CIROZ: variants seen among roughly 807,000 people sequenced by gnomAD.
CIROZ encodes the protein ciliated left-right organizer ZP-N domains-containing protein.
the CIROZ span, among the ~76,000 whole-genome samples, chr1:10,966,808 G>A: frequency 6.6e-6 from 1 of 152,018 alleles, no homozygotes; most frequent in Non-Finnish European, 1.5e-5. Flanking sequence ...CAGCCCGCAG[G>A]ATCCTGTTCA....
At chr1:10,957,643 C>A in the CIROZ span, 1 of 1,614,026 alleles carries the variant, frequency 6.2e-7, no homozygotes, top group Non-Finnish European at 8.5e-7. Flanking sequence ...GGCCTTGTCT[C>A]GGGCTTTGGA....
the CIROZ span, among the ~76,000 whole-genome samples, chr1:10,951,821 G>C: frequency 6.8e-6 from 1 of 147,824 alleles, no homozygotes; most frequent in East Asian, 2.0e-4. Flanking sequence ...CCATCTCTTA[G>C]ATTTCTGCAG....
chr1:10,966,578 C>T, the CIROZ span: 27 of 1,307,480 alleles, frequency 2.1e-5, no homozygotes, highest in Middle Eastern at 2.6e-4. Flanking sequence ...GAAACTGCTC[C>T]GCCTGGAAGC....
chr1:10,969,658 A>T, the CIROZ span, among the ~76,000 whole-genome samples: 1 of 152,230 alleles, frequency 6.6e-6, no homozygotes, highest in Admixed American at 6.5e-5. Flanking sequence ...CTGAAGATGC[A>T]GCTGTAAACA....
At chr1:10,976,700 GAAA>G in the CIROZ span, among the ~76,000 whole-genome samples, 885 of 102,910 alleles carry the variant, frequency 8.6e-3, 12 homozygotes, top group African/African-American at 0.025. Flanking sequence ...GCCAAGAGAC[GAAA>G]AAAAAAAAAA....
the CIROZ span, chr1:10,946,837 CATGGCA>C: frequency 6.6e-6 from 1 of 152,268 alleles, no homozygotes; most frequent in African/African-American, 2.4e-5. Context: ...GACCTGAGGT[CATGGCA>C]CCCCAAGGCC....
At chr1:10,980,063 AG>A in the CIROZ span, among the ~76,000 whole-genome samples, 6 of 152,344 alleles carry the variant, frequency 3.9e-5, no homozygotes, top group East Asian at 9.6e-4. Context: ...AAAGAAAGAA[AG>A]AAAGTTAACA....
the CIROZ span, chr1:10,953,929 A>G: frequency 2.4e-5 from 36 of 1,480,104 alleles, no homozygotes; most frequent in Non-Finnish European, 3.1e-5. Flanking sequence ...AAACATTGTC[A>G]CAGAAGAAAG....
At chr1:10,957,514 T>C in the CIROZ span, 3 of 1,510,858 alleles carry the variant, frequency 2.0e-6, no homozygotes, top group Non-Finnish European at 2.7e-6. Context: ...GTCTCGCAGG[T>C]GGACATTTGA....
the CIROZ span, among the ~76,000 whole-genome samples, chr1:10,958,365 A>C: frequency 6.6e-6 from 1 of 152,244 alleles, no homozygotes. Context: ...CCTGTGCAAC[A>C]TGGAACAAGC....
the CIROZ span, chr1:10,947,853 A>C: frequency 6.2e-7 from 1 of 1,606,298 alleles, no homozygotes; most frequent in Non-Finnish European, 8.5e-7. Context: ...CCACAGGCTC[A>C]GGGTTTGCGT....
chr1:10,955,269 A>T, the CIROZ span: 1 of 1,329,042 alleles, frequency 7.5e-7, no homozygotes, highest in Non-Finnish European at 1.0e-6. Context: ...GGCCTTTGCC[A>T]GGGGCCACAC....
the CIROZ span, among the ~76,000 whole-genome samples, chr1:10,973,878 G>A: frequency 5.3e-5 from 8 of 152,126 alleles, no homozygotes; most frequent in South Asian, 2.1e-4. Flanking sequence ...CTGCCTTCCC[G>A]GGTGCAGCGG....
the CIROZ span, among the ~76,000 whole-genome samples, chr1:10,962,650 A>G: frequency 6.6e-6 from 1 of 152,138 alleles, no homozygotes. Context: ...GTCTGGCTCA[A>G]AGCCCAGCTC....
the CIROZ span, among the ~76,000 whole-genome samples, chr1:10,973,288 G>A: frequency 5.9e-5 from 9 of 152,180 alleles, no homozygotes; most frequent in Non-Finnish European, 1.3e-4. Flanking sequence ...CAGGAGCATC[G>A]CTTGAACCTG....
chr1:10,952,336 C>T, the CIROZ span, among the ~76,000 whole-genome samples: 1 of 152,058 alleles, frequency 6.6e-6, no homozygotes, highest in Non-Finnish European at 1.5e-5. Flanking sequence ...TAAATCTTTC[C>T]AGAGAGGCCA....
the CIROZ span, among the ~76,000 whole-genome samples, chr1:10,980,392 G>C: frequency 3.3e-5 from 5 of 152,352 alleles, no homozygotes; most frequent in East Asian, 9.6e-4. Context: ...GGACGGCCGG[G>C]TACCCGCCCT....
At chr1:10,967,165 A>C in the CIROZ span, among the ~76,000 whole-genome samples, 22 of 140,692 alleles carry the variant, frequency 1.6e-4, no homozygotes, top group Admixed American at 1.2e-3. Context: ...GAAAAAAAAA[A>C]AAAAAAAACT....
At chr1:10,969,890 G>A in the CIROZ span, 18 of 1,440,370 alleles carry the variant, frequency 1.2e-5, no homozygotes, top group African/African-American at 2.9e-5. Context: ...CAAGAGCCAT[G>A]GGGGAGGAGC....
Sources: gnomAD v4.1 joint callset for allele counts (sites outside exome capture counted in the v4.1 genomes callset) on GRCh38, gnomAD v4.1.1 for gene constraint, MANE v1.5 for transcripts, NCBI Gene and HGNC (gene_info 2026-07-23, HGNC 2026-07-21) for gene names.